The following RNF213 variants were observed in gnomAD, a reference collection of about 807,000 sequenced individuals.
RNF213 encodes ring finger protein 213.
In RNF213, 341 loss-of-function variants were observed where a neutral mutation model predicts 514.4. The ratio of observed to expected loss-of-function variants is 0.66; its 90% confidence interval spans 0.61 to 0.73. The LOEUF is 0.73. RNF213 is among the 30% of genes least tolerant of loss of function. RNF213 has a pLI of 0.00. For missense variants in RNF213, 5,767 were observed against 6,615.6 expected (o/e 0.87, Z 4.45); for synonymous variants, 2,655 against 2,658.2 (o/e 1.00, Z 0.04).
chr17:80,389,120 A>G (rs576003630), intron 64 of RNF213, 53 bp from the exon 65 acceptor site: 2 of 1,547,996 alleles, frequency 1.3e-6, no homozygotes, highest in East Asian at 2.2e-5. Flanking sequence ...CCAGGTGGTG[A>G]GATGCCAGAA....
At position 80,317,023 on chromosome 17, in the gene RNF213, G is replaced by C. The variant is rs752323453; in HGVS notation, c.2812-165G>C. 6.6e-5 allele frequency among the ~76,000 whole-genome samples: 10 copies of C among 152,230 alleles called. No homozygotes were observed. Among genetic ancestry groups the C allele is most frequent in the Non-Finnish European group, 4.4e-5 (3 of 68,048 alleles). Reference sequence around the variant, plus strand: ...AAAGCCAACCTGGGCTGCTGTGACCGGCCACTAGCATGGCTGACTGTTGAT... The same window carrying C: ...AAAGCCAACCTGGGCTGCTGTGACCCGCCACTAGCATGGCTGACTGTTGAT... On this transcript the variant is annotated intron_variant, in intron 15 of 67. Transcript: ENST00000582970. The surrounding 1 kb of genome is among the most constrained non-coding windows in gnomAD (Gnocchi z 4.1).
chr17:80,311,310 A>G (rs2045562466), intron 14 of RNF213, among the ~76,000 whole-genome samples: 1 of 152,228 alleles, frequency 6.6e-6, no homozygotes, highest in South Asian at 2.1e-4. Context: ...GGGTTGACGG[A>G]CACTTGGAGA....
At position 80,336,288 on chromosome 17, in the gene RNF213, G is replaced by T; in HGVS notation, c.4437G>T (p.Leu1479=). The change falls in exon 23 of 68, where the codon CTG becomes CTT. Residue 1479 remains leucine (L), a synonymous_variant. Coordinates refer to ENST00000582970, the MANE Select transcript of RNF213 (RefSeq NM_001256071.3). ...VQGYASLLFK[L]DPSVDFSAFM... is the part of the protein sequence containing the mutation. ...GCTACGCATCCCTGCTATTTAAGCT[G>T]GACCCCAGCGTGGACTTCAGTGCAT... The T allele has an allele frequency of 1.3e-6, 2 of 1,537,240 alleles. No individual in the cohort carries two copies. Among genetic ancestry groups the T allele is most frequent in the Non-Finnish European group, 1.7e-6 (2 of 1,146,918 alleles).
chr17:80,354,637 T>G lies in RNF213; in HGVS notation c.10862+61T>G, dbSNP rs1233849119. ...TCTGGTGGCAGCATGGGGACCTGCC[T>G]GCAGGGATCCTCTCTCCATCCGGGC... On this transcript the variant is annotated intron_variant, in intron 36 of 67. Coordinates refer to ENST00000582970, the MANE Select transcript of RNF213 (RefSeq NM_001256071.3). The G allele has an allele frequency of 1.4e-5, 23 of 1,593,090 alleles. No homozygotes were observed. In the South Asian group the frequency reaches 2.5e-4, roughly 18 times the overall value.
At chr17:80,363,349 T>A (rs2079125478) in intron 40 of RNF213, 35 bp downstream of exon 40, 1 of 1,595,596 alleles carries the variant, frequency 6.3e-7, no homozygotes, top group South Asian at 1.1e-5. Context: ...GAGCAAGCCT[T>A]GTGGTGCTTC....
At position 80,347,742 on chromosome 17, in the gene RNF213, A is replaced by G; in HGVS notation, c.9407A>G (p.His3136Arg). 6.2e-7 allele frequency: 1 copy of G among 1,614,126 alleles called. No homozygotes were observed. The highest frequency in any genetic ancestry group is 8.5e-7 in the Non-Finnish European group (1 of 1,180,026). ...TACGTGGACCTCGGTCTGGGGACCC[A>G]CCGCGTCAAATGTCGGGTTCACCCC... ...QKYVDLGLGTHRVKCRVHPNF... is the reference protein window; with the variant it reads ...QKYVDLGLGTRRVKCRVHPNF... Residue 3136 changes from histidine (H) to arginine (R), a missense_variant, in exon 29 of 68, where the codon CAC (histidine) becomes CGC (arginine). Coordinates refer to ENST00000582970, the MANE Select transcript of RNF213 (RefSeq NM_001256071.3). The surrounding 1 kb of genome is among the most constrained non-coding windows in gnomAD (Gnocchi z 7.2).
rs552853051 is a variant in RNF213 at position 80,279,018 on chromosome 17, G to A, written c.261+5614G>A. 2.1e-6 allele frequency: 3 copies of A among 1,447,506 alleles called. No homozygotes were observed. In the Admixed American group the frequency reaches 6.1e-5, roughly 30 times the overall value. 89.7% of individuals were successfully genotyped at this position (1,447,506 alleles called of 1,614,324 possible). ...CGGCCCTTGAGTCCCTGCCAGTCGA[G>A]GAAGGCTGCCCAGGATGGGCGTTTT... On this transcript the variant is annotated intron_variant, in intron 3 of 67. Transcript: ENST00000582970.
At chr17:80,278,661 C>A in intron 3 of RNF213, 1 of 1,439,218 alleles carries the variant, frequency 6.9e-7, no homozygotes, top group Non-Finnish European at 9.3e-7. Flanking sequence ...CCTGGGCCTT[C>A]CCAAGAGGAG....
Position 80,275,963 on chromosome 17 carries a change from G to GT in RNF213, c.261+2570dup, listed in dbSNP as rs540150231. Reference sequence around the variant, plus strand: ...AGGCGTGAGCCACCATGCCTGGCCAGTTTTTTTTTTTCTTTTTTCTTTTCC... The same window carrying GT: ...AGGCGTGAGCCACCATGCCTGGCCAGTTTTTTTTTTTTCTTTTTTCTTTTCC... On this transcript the variant is annotated intron_variant, in intron 3 of 67. Coordinates refer to ENST00000582970, the MANE Select transcript of RNF213 (RefSeq NM_001256071.3). Among the ~76,000 whole-genome samples the GT allele has an allele frequency of 2.6e-3, 377 of 144,276 alleles. 2 individuals carry two copies. Among genetic ancestry groups the GT allele is most frequent in the African/African-American group, 7.1e-3 (283 of 39,620 alleles). 94.7% of individuals were successfully genotyped at this position (144,276 alleles called of 152,430 possible).
intron 49 of RNF213, 114 bp downstream of exon 49, chr17:80,373,279 C>A: frequency 1.3e-6 from 1 of 741,392 alleles, no homozygotes; most frequent in South Asian, 1.7e-5. Context: ...CACCCCCTCA[C>A]ACCTTCCCCA....
chr17:80,278,783 TG>T (rs1429041126), intron 3 of RNF213: 2 of 1,537,140 alleles, frequency 1.3e-6, no homozygotes, highest in South Asian at 2.4e-5. Flanking sequence ...TCAGAGGTTT[TG>T]GTAGATGCTG....
At chr17:80,283,319 C>T (rs185091260) in intron 3 of RNF213, among the ~76,000 whole-genome samples, 86 of 152,140 alleles carry the variant, frequency 5.7e-4, no homozygotes, top group African/African-American at 1.9e-3. Context: ...GCTGCTGCTC[C>T]GAGGTGTCAG....
At chr17:80,321,710 T>A (rs552557362) in intron 17 of RNF213, among the ~76,000 whole-genome samples, 1 of 152,198 alleles carries the variant, frequency 6.6e-6, no homozygotes, top group South Asian at 2.1e-4. Context: ...GGGTATGAAG[T>A]GGTATCTCCT....
Position 80,349,856 on chromosome 17 carries a change from C to G in RNF213, c.10038C>G (p.Leu3346=). 3 of 1,614,116 alleles carry G rather than the reference C, an allele frequency of 1.9e-6. No homozygotes were observed. The highest frequency in any genetic ancestry group is 2.5e-6 in the Non-Finnish European group (3 of 1,180,012). Residue 3346 remains leucine, a synonymous_variant, in exon 30 of 68, where the codon CTC becomes CTG. Coordinates refer to ENST00000582970, the MANE Select transcript of RNF213 (RefSeq NM_001256071.3). ...CAGGCAGGGCTCCGAAACCCACACTCCTGTGGCTGCAGCAGTTTGACACCG... is the reference window on the plus strand; with the variant it reads ...CAGGCAGGGCTCCGAAACCCACACTGCTGTGGCTGCAGCAGTTTGACACCG... ...EVTGRAPKPT[L]LWLQQFDTEY...
At chr17:80,366,631 G>A (rs575809777) in intron 42 of RNF213, among the ~76,000 whole-genome samples, 22 of 150,142 alleles carry the variant, frequency 1.5e-4, no homozygotes, top group African/African-American at 4.9e-4. Context: ...TCACTTCCAA[G>A]TAAGATTAAT....
At chr17:80,338,666 T>A (rs545244116) in intron 25 of RNF213, among the ~76,000 whole-genome samples, 4 of 150,142 alleles carry the variant, frequency 2.7e-5, no homozygotes, top group East Asian at 2.0e-4. Flanking sequence ...AAAGATAATT[T>A]AAAAAAATTA....
intron 3 of RNF213, among the ~76,000 whole-genome samples, chr17:80,285,507 T>C (rs562632438): frequency 6.6e-6 from 1 of 152,168 alleles, no homozygotes; most frequent in Non-Finnish European, 1.5e-5. Flanking sequence ...CAGTGAAGGG[T>C]TGTGCAGCAC....
chr17:80,336,844 T>C, intron 23 of RNF213: 1 of 316,716 alleles, frequency 3.2e-6, no homozygotes, highest in South Asian at 2.7e-5. Context: ...GAGATAGCAG[T>C]GAACTGAGAT....
At position 80,345,233 on chromosome 17, in the gene RNF213, T is replaced by G. The variant is rs1184703954; in HGVS notation, c.6898T>G (p.Ser2300Ala). 35 of 1,612,826 alleles carry G rather than the reference T, an allele frequency of 2.2e-5. No homozygotes were observed. The highest frequency in any genetic ancestry group is 3.0e-5 in the Non-Finnish European group (35 of 1,179,758). Residue 2300 changes from serine to alanine, a missense_variant, in exon 29 of 68, where the codon TCG (serine) becomes GCG (alanine). Physicochemically the swap from Ser to Ala is moderately conservative, Grantham distance 99. Transcript: ENST00000582970. This position sits in a 1 kb window ranked among gnomAD's most constrained non-coding sequence, Gnocchi z 6.0. ...CTTCTCCCTCCGGAAGAGGTGGGAG[T>G]CGGAGCCTCACCCATACGTTTTCTT... ...APFSLRKRWE[S>A]EPHPYVFFND...
Sources: gnomAD v4.1 joint callset for allele counts (sites outside exome capture counted in the v4.1 genomes callset) on GRCh38, gnomAD v4.1.1 for gene constraint, Gnocchi (gnomAD v3.1) non-coding constraint, MANE v1.5 for transcripts, NCBI Gene and HGNC (gene_info 2026-07-23, HGNC 2026-07-21) for gene names.